The following NDRG1 variants were observed in gnomAD, a reference collection of about 807,000 sequenced individuals.
The protein encoded by NDRG1 is N-myc downstream regulated 1.
A neutral mutation model predicts 56.9 loss-of-function variants in NDRG1; 32 were observed. The observed-to-expected ratio is 0.56, with a 90% CI of 0.42 to 0.76. The LOEUF (loss-of-function observed/expected upper bound fraction) is 0.76. Ranked by LOEUF, NDRG1 falls within the 30% of genes least tolerant of loss-of-function variation. The pLI is 0.00. For missense variants in NDRG1, 507 were observed against 545.7 expected (o/e 0.93, Z 0.71); for synonymous variants, 211 against 204.1 (o/e 1.03, Z -0.29).
At position 133,261,983 on chromosome 8, in the gene NDRG1, C is replaced by G. The variant is rs2233324; in HGVS notation, c.326+64G>C. The G allele has an allele frequency of 0.85, 1,304,944 of 1,529,008 alleles. 558,390 individuals are homozygous for G. The highest frequency in any genetic ancestry group is 1 in the East Asian group (43,932 of 43,948). The allele number at this position is 1,529,008 out of a possible 1,614,324, so 94.7% of individuals were successfully genotyped here. On this transcript the variant is annotated intron_variant, in intron 5 of 15. Coordinates refer to ENST00000323851, the MANE Select transcript of NDRG1 (RefSeq NM_006096.4). ...AAAAAGTATTTAAAAGAGCAAAGCA[C>G]CTGAACCCCTCCCCGACACCCAGTT... is the stretch of plus-strand genomic sequence containing the variant.
chr8:133,289,819 C>T (rs1381159649), intron 1 of NDRG1, among the ~76,000 whole-genome samples: 2 of 152,218 alleles, frequency 1.3e-5, no homozygotes, highest in African/African-American at 2.4e-5. Context: ...GCAGCAGGAA[C>T]GCTGGCCTAG....
chr8:133,262,013 C>T, intron 5 of NDRG1, 34 bp downstream of exon 5: 2 of 1,570,262 alleles, frequency 1.3e-6, no homozygotes, highest in Admixed American at 2.0e-5. Flanking sequence ...CCAGTTTCCA[C>T]CCTGTAGAGC....
intron 1 of NDRG1, among the ~76,000 whole-genome samples, chr8:133,294,675 G>GA (rs11423129): frequency 2.0e-5 from 3 of 151,914 alleles, no homozygotes; most frequent in Non-Finnish European, 4.4e-5. Flanking sequence ...CTGTCATGGG[G>GA]GGGGGGCAGC....
In NDRG1 at chr8:133,284,315, C is replaced by A. The variant is rs143363255; in HGVS notation, c.-4G>T. ...CATCCTGCATCTCCCGAGACATGTC[C>A]CTGCTGTCACCTGCCTGCAAGGAGA... On this transcript the variant is annotated 5_prime_UTR_variant, in exon 2 of 16. Transcript: ENST00000323851. The A allele has an allele frequency of 1.5e-5, 24 of 1,613,988 alleles. No homozygotes were observed. Among genetic ancestry groups the A allele is most frequent in the Non-Finnish European group, 1.9e-5 (23 of 1,180,038 alleles).
intron 1 of NDRG1, among the ~76,000 whole-genome samples, chr8:133,295,024 T>A (rs750272694): frequency 4.6e-5 from 7 of 152,196 alleles, no homozygotes; most frequent in Non-Finnish European, 8.8e-5. Context: ...TGGAAAGAAG[T>A]TGGACTAGGT....
At chr8:133,295,987 C>T (rs2130821605) in intron 1 of NDRG1, among the ~76,000 whole-genome samples, 1 of 152,110 alleles carries the variant, frequency 6.6e-6, no homozygotes, top group East Asian at 1.9e-4. Flanking sequence ...TGTTCAGGAC[C>T]CCCAGGGACA....
chr8:133,296,702 C>CAG (rs1858792246), intron 1 of NDRG1: 1 of 148,252 alleles, frequency 6.7e-6, no homozygotes, highest in Admixed American at 8.1e-5. Context: ...CAGACACACA[C>CAG]ACACACACAC....
chr8:133,284,209 A>G, intron 2 of NDRG1, 40 bp downstream of exon 2: 1 of 1,595,166 alleles, frequency 6.3e-7, no homozygotes, highest in Non-Finnish European at 8.6e-7. Flanking sequence ...CTATGTGCAC[A>G]TGTGCCTGTG....
intron 5 of NDRG1, among the ~76,000 whole-genome samples, chr8:133,259,705 G>A (rs769978466): frequency 2.0e-4 from 30 of 152,194 alleles, no homozygotes; most frequent in Admixed American, 2.0e-3. Flanking sequence ...AGTTCCATCC[G>A]CAAAGCAGTG....
At chr8:133,293,799 C>T (rs1384345408) in intron 1 of NDRG1, among the ~76,000 whole-genome samples, 2 of 152,142 alleles carry the variant, frequency 1.3e-5, no homozygotes, top group African/African-American at 2.4e-5. Flanking sequence ...CGCAGGAGAC[C>T]GGGCCTGGAA....
intron 10 of NDRG1, 58 bp downstream of exon 10, chr8:133,250,382 G>C (rs150471158): frequency 7.0e-7 from 1 of 1,438,056 alleles, no homozygotes; most frequent in Admixed American, 1.7e-5. Context: ...CCCACATTTC[G>C]GATCTACAGA....
intron 1 of NDRG1, among the ~76,000 whole-genome samples, chr8:133,294,471 C>G (rs1266042466): frequency 2.6e-5 from 4 of 152,236 alleles, no homozygotes; most frequent in Admixed American, 6.5e-5. Context: ...ATCACGCTTT[C>G]TCTCCCAGGA....
chr8:133,260,687 T>G (rs1856617659), intron 5 of NDRG1, among the ~76,000 whole-genome samples: 1 of 152,244 alleles, frequency 6.6e-6, no homozygotes, highest in Non-Finnish European at 1.5e-5. Flanking sequence ...TTTTAATTTT[T>G]GGTCCTGGCC....
At position 133,258,303 on chromosome 8, in the gene NDRG1, T is replaced by C. The variant is rs1856484928; in HGVS notation, c.450+63A>G. ...TTTTGGGTTTTTGATGCTTTTCCAA[T>C]GTCTTCCTTCATCTTAAAATGTTAT... On this transcript the variant is annotated intron_variant, in intron 7 of 15. Coordinates refer to ENST00000323851, the MANE Select transcript of NDRG1 (RefSeq NM_006096.4). 1.1e-5 allele frequency: 17 copies of C among 1,520,122 alleles called. No individual in the cohort carries two copies. The South Asian group carries it at 1.4e-4, about 13-fold the overall frequency. The allele number at this position is 1,520,122 out of a possible 1,614,324, so 94.2% of individuals were successfully genotyped here. A position where few individuals can be genotyped will look rare whatever the true frequency, so the allele number is the denominator to read the frequency against.
intron 1 of NDRG1, among the ~76,000 whole-genome samples, chr8:133,287,333 G>A (rs527507123): frequency 3.4e-4 from 52 of 152,256 alleles, no homozygotes; most frequent in Admixed American, 1.2e-3. Context: ...CTGAGTTCAC[G>A]GAAGCAGGAT....
chr8:133,238,854 G>T lies in NDRG1; in HGVS notation c.*24C>A, dbSNP rs754185299. ...GGGGCCACTACAGAGATCAGAGTCC[G>T]GGGGCGGCAGCTGGGCAGGCCGCCT... On this transcript the variant is annotated 3_prime_UTR_variant, in exon 16 of 16. Transcript: ENST00000323851. 2 of 1,545,018 alleles carry T rather than the reference G, an allele frequency of 1.3e-6. No individual in the cohort carries two copies. Among genetic ancestry groups the T allele is most frequent in the African/African-American group, 1.4e-5 (1 of 73,274 alleles).
chr8:133,244,251 G>A lies in NDRG1; in HGVS notation c.891+104C>T, dbSNP rs916434173. ...CCCAACAGTCCACAAACTGTCATCCGATGTCACAGCAAGGTAATGAGGGAA... is the reference window on the plus strand; with the variant it reads ...CCCAACAGTCCACAAACTGTCATCCAATGTCACAGCAAGGTAATGAGGGAA... On this transcript the variant is annotated intron_variant, in intron 14 of 15. Transcript: ENST00000323851. 34 of 1,391,196 alleles carry A rather than the reference G, an allele frequency of 2.4e-5. No homozygotes were observed. In the East Asian group the frequency reaches 5.0e-4, roughly 21 times the overall value. 86.2% of individuals were successfully genotyped at this position (1,391,196 alleles called of 1,614,324 possible).
chr8:133,288,025 T>G (rs1426723286), intron 1 of NDRG1, among the ~76,000 whole-genome samples: 1 of 151,964 alleles, frequency 6.6e-6, no homozygotes. Flanking sequence ...ATTCTCACAC[T>G]CAGACATTCT....
chr8:133,250,288 C>T, intron 10 of NDRG1, 152 bp downstream of exon 10: 3 of 762,376 alleles, frequency 3.9e-6, no homozygotes, highest in South Asian at 1.4e-5. Flanking sequence ...GGTGTCCTTC[C>T]TGGGGACACC....
Sources: gnomAD v4.1 joint callset for allele counts (sites outside exome capture counted in the v4.1 genomes callset) on GRCh38, gnomAD v4.1.1 for gene constraint, MANE v1.5 for transcripts, NCBI Gene and HGNC (gene_info 2026-07-23, HGNC 2026-07-21) for gene names.